The following SCP2 variants were observed in gnomAD, a reference collection of about 807,000 sequenced individuals.
SCP2 encodes SCP-2/3-oxoacyl-CoA thiolase.
In SCP2, 48 loss-of-function variants were observed where a neutral mutation model predicts 71.4. That is an observed-to-expected ratio of 0.67 (90% CI 0.53 to 0.86). SCP2 has a LOEUF of 0.86. Ranked by LOEUF, SCP2 falls within the 40% of genes least tolerant of loss-of-function variation. The pLI, the probability that SCP2 is intolerant of heterozygous loss-of-function variation, is 0.00. For synonymous variants in SCP2, 220 were observed against 218.1 expected, an observed-to-expected ratio of 1.01 and a Z score of -0.08; for missense variants, 560 against 655.6, an observed-to-expected ratio of 0.85 and a Z score of 1.59.
intron 10 of SCP2, among the ~76,000 whole-genome samples, chr1:52,985,972 C>A (rs2150182931): frequency 6.6e-6 from 1 of 152,248 alleles, no homozygotes; most frequent in South Asian, 2.1e-4. Flanking sequence ...TTACATATTT[C>A]TTTACTTATT....
intron 13 of SCP2, among the ~76,000 whole-genome samples, chr1:53,037,007 G>A (rs187441475): frequency 2.0e-5 from 3 of 152,100 alleles, no homozygotes; most frequent in Admixed American, 6.6e-5. Flanking sequence ...GCATGGTGGC[G>A]TGTGCTGTAG....
chr1:52,931,034 T>G (rs2150093154), intron 1 of SCP2, among the ~76,000 whole-genome samples: 1 of 152,354 alleles, frequency 6.6e-6, no homozygotes, highest in South Asian at 2.1e-4. Context: ...AGATATTTGA[T>G]TAAACATGGC....
At position 53,039,057 on chromosome 1, in the gene SCP2, G is replaced by A; in HGVS notation, c.1468+11G>A. On this transcript the variant is annotated intron_variant, in intron 14 of 15. Transcript: ENST00000371514. The stretch of plus-strand genomic sequence containing the variant: ...TGCTTCCTAACTCAGGTTAGTTTGG[G>A]AATGACTTCATTCTAGGAGCACTGA... 6.2e-7 allele frequency: 1 copy of A among 1,614,062 alleles called. No homozygotes were observed. The highest frequency in any genetic ancestry group is 1.3e-5 in the African/African-American group (1 of 75,040).
At chr1:53,028,815 A>G (rs56998269) in intron 13 of SCP2, among the ~76,000 whole-genome samples, 20,876 of 152,014 alleles carry the variant, frequency 0.14, 2,053 homozygotes, top group East Asian at 0.32. Flanking sequence ...TTGCTCTGTC[A>G]CCCAGGCTGG....
chr1:52,999,815 G>GTTTTTTTTTTTTT lies in SCP2; in HGVS notation c.1081+11686_1081+11698dup, dbSNP rs60893788. ...ACTATCCAACACTTACTGAACACTT[G>GTTTTTTTTTTTTT]TTTTTTTTTTTTTTTTTTTGAGACA... On this transcript the variant is annotated intron_variant, in intron 11 of 15. Coordinates refer to ENST00000371514, the MANE Select transcript of SCP2 (RefSeq NM_002979.5). Among the ~76,000 whole-genome samples the GTTTTTTTTTTTTT allele has an allele frequency of 2.7e-3, 295 of 109,330 alleles. 15 individuals carry two copies. Among genetic ancestry groups the GTTTTTTTTTTTTT allele is most frequent in the East Asian group, 0.024 (79 of 3,282 alleles). 71.7% of individuals were successfully genotyped at this position (109,330 alleles called of 152,430 possible).
chr1:52,973,301 GC>G (rs1657657520), intron 6 of SCP2, among the ~76,000 whole-genome samples: 1 of 151,102 alleles, frequency 6.6e-6, no homozygotes. Context: ...GACGTGTTTA[GC>G]TTTGTTTAAC....
At chr1:52,951,607 G>C (rs900067350) in intron 4 of SCP2, among the ~76,000 whole-genome samples, 1 of 148,580 alleles carries the variant, frequency 6.7e-6, no homozygotes, top group Non-Finnish European at 1.5e-5. Flanking sequence ...AAATTAAAAA[G>C]GCATTGTGAG....
At chr1:52,998,273 T>A (rs1660069070) in intron 11 of SCP2, among the ~76,000 whole-genome samples, 1 of 152,160 alleles carries the variant, frequency 6.6e-6, no homozygotes. Flanking sequence ...GAGCAAAATT[T>A]CTGGGTCATA....
chr1:52,930,138 G>A (rs960492265), intron 1 of SCP2, among the ~76,000 whole-genome samples: 2 of 152,112 alleles, frequency 1.3e-5, no homozygotes, highest in Admixed American at 6.6e-5. Flanking sequence ...TGACCTTATA[G>A]TCAGAACATG....
At chr1:53,020,359 C>T (rs145598680) in intron 12 of SCP2, among the ~76,000 whole-genome samples, 1 of 152,150 alleles carries the variant, frequency 6.6e-6, no homozygotes, top group Non-Finnish European at 1.5e-5. Flanking sequence ...TGTAGTTGCT[C>T]AATAAACTTT....
intron 11 of SCP2, among the ~76,000 whole-genome samples, chr1:52,992,286 A>G (rs1472637313): frequency 2.0e-5 from 3 of 152,042 alleles, no homozygotes; most frequent in Non-Finnish European, 4.4e-5. Flanking sequence ...GCTTACAAAC[A>G]TATAAAAATA....
At chr1:52,971,577 C>G (rs1439368865) in intron 6 of SCP2, among the ~76,000 whole-genome samples, 1 of 152,070 alleles carries the variant, frequency 6.6e-6, no homozygotes, top group Non-Finnish European at 1.5e-5. Context: ...AATGAAGACT[C>G]AAAAAAATGG....
chr1:53,007,475 A>T (rs1660710592), intron 11 of SCP2, among the ~76,000 whole-genome samples: 1 of 152,110 alleles, frequency 6.6e-6, no homozygotes, highest in Non-Finnish European at 1.5e-5. Context: ...TAAGAAACTC[A>T]CTCAAAACCG....
chr1:52,936,377 C>T (rs1341217281), intron 1 of SCP2, among the ~76,000 whole-genome samples: 1 of 152,208 alleles, frequency 6.6e-6, no homozygotes, highest in South Asian at 2.1e-4. Flanking sequence ...GATGTAGTCT[C>T]TGCTGCTAAC....
intron 14 of SCP2, among the ~76,000 whole-genome samples, chr1:53,042,181 T>C (rs1366580497): frequency 6.6e-6 from 1 of 151,518 alleles, no homozygotes; most frequent in East Asian, 2.0e-4. Flanking sequence ...GAGCTGCCAC[T>C]CTAAGGTGGT....
At chr1:52,957,160 GGCC>G (rs1655893844) in intron 5 of SCP2, among the ~76,000 whole-genome samples, 1 of 152,034 alleles carries the variant, frequency 6.6e-6, no homozygotes, top group South Asian at 2.1e-4. Flanking sequence ...TACCCACCTC[GGCC>G]TCCCAAAGTG....
intron 13 of SCP2, among the ~76,000 whole-genome samples, chr1:53,031,003 A>C (rs17107666): frequency 0.14 from 21,381 of 151,956 alleles, 2,169 homozygotes; most frequent in East Asian, 0.32. Flanking sequence ...TTCCTATAAA[A>C]TGAAGTTGCA....
chr1:52,948,651 T>A (rs1037086178), intron 3 of SCP2, among the ~76,000 whole-genome samples: 1 of 149,544 alleles, frequency 6.7e-6, no homozygotes, highest in Non-Finnish European at 1.5e-5. Flanking sequence ...AAAAGCATAC[T>A]GTTTCATTGA....
At position 52,961,552 on chromosome 1, in the gene SCP2, A is replaced by G. The variant is rs534506611; in HGVS notation, c.446A>G (p.Asn149Ser). The G allele has an allele frequency of 1.5e-5, 25 of 1,613,692 alleles. No individual in the cohort carries two copies. Among genetic ancestry groups the G allele is most frequent in the Non-Finnish European group, 2.1e-5 (25 of 1,179,758 alleles). ...GATAAGCATGTTGACCTCCTGATCA[A>G]TAAGTATGGATTGTCTGCTCACCCA... Reference protein sequence around the residue: ...PTDKHVDLLINKYGLSAHPVA... With the variant: ...PTDKHVDLLISKYGLSAHPVA... Residue 149 changes from asparagine to serine, a missense_variant, in exon 6 of 16, where the codon AAT becomes AGT. Transcript: ENST00000371514.
Sources: allele counts gnomAD v4.1 joint callset (sites outside exome capture counted in the v4.1 genomes callset), GRCh38; gene constraint gnomAD v4.1.1; transcripts MANE v1.5; gene names NCBI Gene and HGNC (gene_info 2026-07-23, HGNC 2026-07-21).